NEDD9: variants seen among roughly 807,000 people sequenced by gnomAD.
The protein encoded by NEDD9 is enhancer of filamentation 1.
In NEDD9, 26 loss-of-function variants were observed where a neutral mutation model predicts 76.6. The ratio of observed to expected loss-of-function variants is 0.34; its 90% CI spans 0.25 to 0.47. The LOEUF (loss-of-function observed/expected upper bound fraction) is 0.47. Among genes scored for constraint, NEDD9 ranks in the 20% least tolerant of loss-of-function variants. The pLI is 1.00. For synonymous variants in NEDD9, 392 were observed against 414.2 expected (o/e 0.95, Z 0.65); for missense variants, 937 against 1,058.5 (o/e 0.89, Z 1.59).
At chr6:11,282,497 C>T (rs1581997319) in intron 3 of NEDD9, among the ~76,000 whole-genome samples, 1 of 152,244 alleles carries the variant, frequency 6.6e-6, no homozygotes, top group Non-Finnish European at 1.5e-5. Context: ...GCCTGCTCAA[C>T]ATGAACCCTG....
rs1466172690 is a variant in NEDD9 at position 11,325,725 on chromosome 6, A to G, written c.-153+8776T>C. Among the ~76,000 whole-genome samples the G allele has an allele frequency of 2.6e-5, 4 of 152,176 alleles. No homozygotes were observed. The East Asian group carries it at 7.7e-4, about 29-fold the overall frequency. On this transcript the variant is annotated intron_variant, in intron 2 of 3. Transcript: ENST00000397378. ...GAGGTTGTTTTTGTTCCTGCTTTTG[A>G]AAAAGGGCTCCTACATTTTCGGTTT...
intron 1 of NEDD9, among the ~76,000 whole-genome samples, chr6:11,225,798 G>A (rs1446521703): frequency 7.7e-6 from 1 of 130,082 alleles, no homozygotes; most frequent in Non-Finnish European, 1.7e-5. Context: ...ACCGCGCCCG[G>A]CCTTTTTTTT....
chr6:11,361,388 A>G (rs1762677279), intron 1 of NEDD9, among the ~76,000 whole-genome samples: 1 of 152,190 alleles, frequency 6.6e-6, no homozygotes, highest in African/African-American at 2.4e-5. Flanking sequence ...GAGGCTTACA[A>G]TCATGGCGGA....
rs3067297 is a variant in NEDD9 at position 11,297,911 on chromosome 6, C to CTTT, written c.12+8078_12+8080dup. Among the ~76,000 whole-genome samples, 104 of 140,604 alleles carry CTTT rather than the reference C, an allele frequency of 7.4e-4. 1 individual carries two copies. Among genetic ancestry groups the CTTT allele is most frequent in the African/African-American group, 1.6e-3 (59 of 37,748 alleles). The allele number at this position is 140,604 out of a possible 152,430, so 92.2% of individuals were successfully genotyped here. On this transcript the variant is annotated intron_variant, in intron 3 of 3. Coordinates refer to the NEDD9 transcript ENST00000397378. Reference sequence around the variant, plus strand: ...TCTAGTCCGTATTTTTTTTTCTTTTCTTTTTTTTTTTTTGGAGACAGAGTC... The same window carrying CTTT: ...TCTAGTCCGTATTTTTTTTTCTTTTCTTTTTTTTTTTTTTTTGGAGACAGAGTC...
chr6:11,319,832 A>ACT (rs763837370), intron 2 of NEDD9, among the ~76,000 whole-genome samples: 4 of 107,744 alleles, frequency 3.7e-5, no homozygotes, highest in African/African-American at 2.4e-4. Context: ...ACAAGCAAAT[A>ACT]CACTCACGCA....
At position 11,184,307 on chromosome 6, in the gene NEDD9, C is replaced by G. The variant is rs1246571334; in HGVS notation, c.*855G>C. ...GGTGAACAATCATAGTCTGATACGC[C>G]TTTGTAAATCTTTGCTGCAAATATG... is the stretch of plus-strand genomic sequence containing the variant. On this transcript the variant is annotated 3_prime_UTR_variant, in exon 7 of 7. Coordinates refer to ENST00000379446, the MANE Select transcript of NEDD9 (RefSeq NM_006403.4). 4 of 152,144 alleles carry G rather than the reference C, an allele frequency of 2.6e-5. No individual in the cohort carries two copies. The highest frequency in any genetic ancestry group is 9.7e-5 in the African/African-American group (4 of 41,440). The allele number at this position is 152,144 out of a possible 1,614,324, so 9.4% of individuals were successfully genotyped here. A position where few individuals can be genotyped will look rare whatever the true frequency, so the allele number is the denominator to read the frequency against.
intron 1 of NEDD9, among the ~76,000 whole-genome samples, chr6:11,359,626 T>G (rs548978562): frequency 2.0e-5 from 3 of 152,276 alleles, no homozygotes; most frequent in African/African-American, 4.8e-5. Context: ...CTGGAAGTCA[T>G]GACAGCAGCT....
At chr6:11,304,848 C>G (rs1190464731) in intron 3 of NEDD9, among the ~76,000 whole-genome samples, 2 of 152,084 alleles carry the variant, frequency 1.3e-5, no homozygotes, top group Non-Finnish European at 2.9e-5. Context: ...GGAGAAATAC[C>G]TAATGTAAAT....
rs147934321 is a variant in NEDD9 at position 11,210,766 on chromosome 6, G to GGAGAGAGAGAGAGA, written c.459+2501_459+2514dup. On this transcript the variant is annotated intron_variant, in intron 2 of 6. Transcript: ENST00000379446. Reference sequence around the variant, plus strand: ...GAGAGGGAAGGAGGGAGGGATGGGGGGAGAGAGAGAGAGAGAGAGAGAGAG... The same window carrying GGAGAGAGAGAGAGA: ...GAGAGGGAAGGAGGGAGGGATGGGGGGAGAGAGAGAGAGAGAGAGAGAGAGAGAGAGAGAGAGAG... Among the ~76,000 whole-genome samples the GGAGAGAGAGAGAGA allele has an allele frequency of 8.9e-3, 1,085 of 121,894 alleles. 40 individuals are homozygous for GGAGAGAGAGAGAGA. The highest frequency in any genetic ancestry group is 0.08 in the East Asian group (304 of 3,798). The allele number at this position is 121,894 out of a possible 152,430, so 80.0% of individuals were successfully genotyped here.
chr6:11,338,349 C>T (rs56709901), intron 1 of NEDD9, among the ~76,000 whole-genome samples: 3,290 of 152,192 alleles, frequency 0.022, 63 homozygotes, highest in African/African-American at 0.05. Flanking sequence ...TTGCAGCCCT[C>T]GAAAGGAGCC....
chr6:11,244,165 C>T (rs1759763798), intron 3 of NEDD9, among the ~76,000 whole-genome samples: 1 of 152,172 alleles, frequency 6.6e-6, no homozygotes, highest in Admixed American at 6.5e-5. Flanking sequence ...AACATCAGCT[C>T]TTCCCAGGGT....
intron 2 of NEDD9, among the ~76,000 whole-genome samples, chr6:11,332,652 A>G (rs2223292): frequency 0.71 from 107,705 of 152,114 alleles, 38,999 homozygotes; most frequent in African/African-American, 0.86. Context: ...TGTTCTATTT[A>G]AGTGACCTCC....
intron 3 of NEDD9, chr6:11,304,979 C>T: frequency 1.2e-6 from 1 of 814,478 alleles, no homozygotes; most frequent in Non-Finnish European, 1.7e-6. Flanking sequence ...AGTGATATGA[C>T]AATCAAACTT....
chr6:11,187,605 T>C (rs1413773120), intron 6 of NEDD9, among the ~76,000 whole-genome samples: 2 of 152,178 alleles, frequency 1.3e-5, no homozygotes, highest in Non-Finnish European at 2.9e-5. Context: ...AATCAGACTC[T>C]TTCTTGGGAA....
chr6:11,200,180 C>T, intron 2 of NEDD9: 1 of 387,270 alleles, frequency 2.6e-6, no homozygotes, highest in South Asian at 1.9e-5. Flanking sequence ...CTATAGGGCT[C>T]ACCAAGGCAG....
intron 2 of NEDD9, among the ~76,000 whole-genome samples, chr6:11,202,796 A>C (rs1479221918): frequency 1.3e-5 from 2 of 152,210 alleles, no homozygotes; most frequent in Non-Finnish European, 2.9e-5. Flanking sequence ...GTATTTTTGA[A>C]GGTGAATTAC....
At chr6:11,267,887 A>G (rs545094396) in intron 3 of NEDD9, among the ~76,000 whole-genome samples, 42 of 152,328 alleles carry the variant, frequency 2.8e-4, no homozygotes, top group Admixed American at 9.8e-4. Context: ...GATTGAATTT[A>G]AGTAGAGAAA....
chr6:11,343,118 GA>G (rs35437508), intron 1 of NEDD9, among the ~76,000 whole-genome samples: 31,506 of 148,936 alleles, frequency 0.21, 3,455 homozygotes, highest in East Asian at 0.48. Flanking sequence ...AACATTGGCT[GA>G]AAAAAAAAAC....
intron 1 of NEDD9, among the ~76,000 whole-genome samples, chr6:11,219,967 A>T (rs1374220910): frequency 6.6e-6 from 1 of 152,196 alleles, no homozygotes; most frequent in Non-Finnish European, 1.5e-5. Context: ...TCCTCTTGAG[A>T]TTATGAAGTC....
Sources: gnomAD v4.1 joint callset for allele counts (sites outside exome capture counted in the v4.1 genomes callset) on GRCh38, gnomAD v4.1.1 for gene constraint, MANE v1.5 for transcripts, NCBI Gene and HGNC (gene_info 2026-07-23, HGNC 2026-07-21) for gene names.